Variants in SIPA1L3 observed in about 807,000 individuals in gnomAD.
The protein encoded by SIPA1L3 is signal-induced proliferation-associated 1-like protein 3.
SIPA1L3 carries 59 observed loss-of-function variants against 150.1 expected under a neutral mutation model. The observed-to-expected ratio is 0.39, with a 90% CI of 0.32 to 0.49. SIPA1L3 has a LOEUF of 0.49. Ranked by LOEUF, SIPA1L3 falls within the 20% of genes least tolerant of loss-of-function variation. The pLI is 0.86. For missense variants in SIPA1L3, 2,211 were observed against 2,489.5 expected, an observed-to-expected ratio of 0.89 and a Z score of 2.38; for synonymous variants, 1,070 against 1,077.6, an observed-to-expected ratio of 0.99 and a Z score of 0.14.
At chr19:38,085,051 C>T (rs1213429802) in intron 3 of SIPA1L3, among the ~76,000 whole-genome samples, 1 of 152,116 alleles carries the variant, frequency 6.6e-6, no homozygotes, top group African/African-American at 2.4e-5. Context: ...TCAGACAGCC[C>T]TCGGTTTGGG....
intron 1 of SIPA1L3, among the ~76,000 whole-genome samples, chr19:38,024,408 C>T (rs189172661): frequency 3.9e-5 from 6 of 152,132 alleles, no homozygotes; most frequent in African/African-American, 1.2e-4. Flanking sequence ...ATGGAGCTGC[C>T]GGAGGTGAGA....
chr19:38,196,330 C>T (rs961701198), intron 18 of SIPA1L3, among the ~76,000 whole-genome samples: 1 of 131,912 alleles, frequency 7.6e-6, no homozygotes, highest in African/African-American at 2.8e-5. Flanking sequence ...CAAGGAGGCC[C>T]AGGGTGGAGC....
At chr19:38,081,223 C>T (rs1019187746) in intron 2 of SIPA1L3, 33 bp from the exon 3 acceptor site, 4 of 407,926 alleles carry the variant, frequency 9.8e-6, no homozygotes, top group African/African-American at 6.1e-5. Flanking sequence ...ACACGGCCAT[C>T]GCAGCTCATA....
chr19:38,057,654 T>C (rs1284358113), intron 2 of SIPA1L3, among the ~76,000 whole-genome samples: 1 of 151,842 alleles, frequency 6.6e-6, no homozygotes, highest in African/African-American at 2.4e-5. Flanking sequence ...GAACTTTTTT[T>C]TTTTTCTTTT....
At chr19:38,027,020 G>A (rs1160881389) in intron 1 of SIPA1L3, among the ~76,000 whole-genome samples, 1 of 152,098 alleles carries the variant, frequency 6.6e-6, no homozygotes, top group African/African-American at 2.4e-5. Context: ...GGCCAGAAGT[G>A]GTGTTTCACA....
chr19:38,081,321 GCTA>G lies in SIPA1L3; in HGVS notation c.-242_-240del. ...CGACCACAGCTACTGCCTGCTCTGCGCTACTGAGCCACTCGGTCTGGAGCCCCC... is the reference window on the plus strand; with the variant it reads ...CGACCACAGCTACTGCCTGCTCTGCGCTGAGCCACTCGGTCTGGAGCCCCC... On this transcript the variant is annotated 5_prime_UTR_variant, in exon 3 of 22. It introduces an in-frame stop codon into an upstream open reading frame of the 5' UTR. Coordinates refer to ENST00000222345, the MANE Select transcript of SIPA1L3 (RefSeq NM_015073.3). 1 of 473,230 alleles carries G rather than the reference GCTA, an allele frequency of 2.1e-6. No individual in the cohort carries two copies. The highest frequency in any genetic ancestry group is 3.7e-6 in the Non-Finnish European group (1 of 268,448). The allele number at this position is 473,230 out of a possible 1,614,324, so 29.3% of individuals were successfully genotyped here.
intron 1 of SIPA1L3, among the ~76,000 whole-genome samples, chr19:37,934,481 G>T (rs1047544166): frequency 8.5e-5 from 13 of 152,168 alleles, no homozygotes; most frequent in African/African-American, 1.7e-4. Flanking sequence ...TGGGCCACAG[G>T]TTCCTTATCT....
At chr19:38,124,962 G>C in intron 9 of SIPA1L3, among the ~76,000 whole-genome samples, 1 of 151,990 alleles carries the variant, frequency 6.6e-6, no homozygotes, top group Non-Finnish European at 1.5e-5. Flanking sequence ...GTACAGTCCA[G>C]CTTCGGCTCG....
chr19:37,983,128 A>C (rs866890251), intron 1 of SIPA1L3, among the ~76,000 whole-genome samples: 17 of 152,338 alleles, frequency 1.1e-4, no homozygotes, highest in Middle Eastern at 3.4e-3. Flanking sequence ...GGTTTTAAAA[A>C]CACGTCTGAA....
chr19:38,061,628 C>T (rs908146562), intron 2 of SIPA1L3, among the ~76,000 whole-genome samples: 10 of 151,634 alleles, frequency 6.6e-5, no homozygotes, highest in Non-Finnish European at 1.0e-4. Flanking sequence ...AGGACAGGGC[C>T]GTGGAGAGAC....
At chr19:37,933,958 G>T (rs556056789) in intron 1 of SIPA1L3, among the ~76,000 whole-genome samples, 17 of 152,288 alleles carry the variant, frequency 1.1e-4, no homozygotes, top group Admixed American at 5.2e-4. Flanking sequence ...GTTCCTGCAG[G>T]GGGAGGCCAG....
intron 13 of SIPA1L3, among the ~76,000 whole-genome samples, chr19:38,153,881 C>G (rs1971884215): frequency 6.6e-6 from 1 of 152,010 alleles, no homozygotes; most frequent in South Asian, 2.1e-4. Context: ...TTGCAGTGAG[C>G]CGAGATCGAG....
chr19:37,993,581 T>C (rs1416760270), intron 1 of SIPA1L3, among the ~76,000 whole-genome samples: 2 of 152,056 alleles, frequency 1.3e-5, no homozygotes, highest in Non-Finnish European at 2.9e-5. Flanking sequence ...GCATCATAAG[T>C]GGAAAGTGTA....
At chr19:37,951,477 G>C (rs996734625) in intron 1 of SIPA1L3, among the ~76,000 whole-genome samples, 1 of 152,176 alleles carries the variant, frequency 6.6e-6, no homozygotes. Flanking sequence ...TAGTTGGTAG[G>C]ATGATTACAG....
At chr19:38,130,432 C>T in intron 9 of SIPA1L3, 66 bp from the exon 10 acceptor site, 1 of 1,531,882 alleles carries the variant, frequency 6.5e-7, no homozygotes, top group Non-Finnish European at 8.8e-7. Context: ...GGGAACGTGA[C>T]CAGGGGTCTT....
chr19:38,110,469 C>A (rs1005758098), intron 8 of SIPA1L3, 85 bp downstream of exon 8: 25 of 1,118,218 alleles, frequency 2.2e-5, no homozygotes, highest in African/African-American at 7.7e-5. Context: ...CAGGGCCCCC[C>A]CACACCTCAC....
intron 15 of SIPA1L3, among the ~76,000 whole-genome samples, chr19:38,181,343 A>G (rs960748714): frequency 6.6e-6 from 1 of 152,214 alleles, no homozygotes; most frequent in African/African-American, 2.4e-5. Flanking sequence ...ACTTATATAT[A>G]TAATCCTAGC....
In SIPA1L3 at chr19:38,165,736, C is replaced by T. The variant is rs895958332; in HGVS notation, c.4208+830C>T. On this transcript the variant is annotated intron_variant, in intron 15 of 21. Transcript: ENST00000222345. ...GAGTTTCTGATTCAATAGGTCGGAGCGGGAGACCTGAGAACGTGCATTGGT... is the reference window on the plus strand; with the variant it reads ...GAGTTTCTGATTCAATAGGTCGGAGTGGGAGACCTGAGAACGTGCATTGGT... 2.6e-5 allele frequency among the ~76,000 whole-genome samples: 4 copies of T among 152,194 alleles called. No individual in the cohort carries two copies. In the East Asian group the frequency reaches 5.8e-4, roughly 22 times the overall value.
intron 2 of SIPA1L3, among the ~76,000 whole-genome samples, chr19:38,068,184 G>A (rs944777163): frequency 4.6e-5 from 7 of 151,948 alleles, no homozygotes; most frequent in South Asian, 2.1e-4. Flanking sequence ...CACCATGCCC[G>A]GCTGATTTTT....
Sources: gnomAD v4.1 joint callset for allele counts (sites outside exome capture counted in the v4.1 genomes callset) on GRCh38, gnomAD v4.1.1 for gene constraint, MANE v1.5 for transcripts, NCBI Gene and HGNC (gene_info 2026-07-23, HGNC 2026-07-21) for gene names.